The following DDAH1 variants were observed in gnomAD, a reference collection of about 807,000 sequenced individuals.
DDAH1 encodes the protein dimethylarginine dimethylaminohydrolase 1, also known as N(G),N(G)-dimethylarginine dimethylaminohydrolase 1.
Under a neutral mutation model 28.8 loss-of-function variants are expected in DDAH1, and 19 were observed. That is an observed-to-expected ratio of 0.66 (90% CI 0.46 to 0.97). DDAH1 has a LOEUF of 0.97. Ranked by LOEUF, DDAH1 falls within the 50% of genes least tolerant of loss-of-function variation. The pLI is 0.00. For synonymous variants in DDAH1, 153 were observed against 154.4 expected (o/e 0.99, Z 0.07); for missense variants, 326 against 375.9 (o/e 0.87, Z 1.10).
At chr1:85,419,976 G>T (rs951945059) in intron 1 of DDAH1, among the ~76,000 whole-genome samples, 2 of 152,134 alleles carry the variant, frequency 1.3e-5, no homozygotes, top group Admixed American at 1.3e-4. Context: ...AATCACAGGG[G>T]TAAAGTGCCA....
chr1:85,445,598 G>GTA (rs1654396832), intron 1 of DDAH1, among the ~76,000 whole-genome samples: 1 of 152,044 alleles, frequency 6.6e-6, no homozygotes, highest in Non-Finnish European at 1.5e-5. Context: ...TGTTACATTG[G>GTA]ATTAATTTAC....
rs1661330115 is a variant in DDAH1 at position 85,321,300 on chromosome 1, G to A, written c.*152C>T. The A allele has an allele frequency of 2.2e-5, 14 of 637,386 alleles. No homozygotes were observed. The East Asian group carries it at 3.6e-4, about 16-fold the overall frequency. The allele number at this position is 637,386 out of a possible 1,614,324, so 39.5% of individuals were successfully genotyped here. A position where few individuals can be genotyped will look rare whatever the true frequency, so the allele number is the denominator to read the frequency against. On this transcript the variant is annotated 3_prime_UTR_variant, in exon 6 of 6. Transcript: ENST00000284031. ...CGAGGGGAGGGAGGGTGGGGGTGTT[G>A]AATGAAGCAATTCAACTTAGAATCA...
At chr1:85,337,415 CTG>C (rs1382130050) in intron 4 of DDAH1, among the ~76,000 whole-genome samples, 1 of 151,884 alleles carries the variant, frequency 6.6e-6, no homozygotes, top group Admixed American at 6.6e-5. Flanking sequence ...CCATTTAAAA[CTG>C]TAATTTTATT....
intron 2 of DDAH1, among the ~76,000 whole-genome samples, chr1:85,358,205 T>G (rs934658651): frequency 2.6e-5 from 4 of 152,230 alleles, no homozygotes; most frequent in Admixed American, 2.6e-4. Context: ...TGTAAAAATA[T>G]GCAAATGTAT....
chr1:85,360,471 A>C (rs970344624), intron 1 of DDAH1, among the ~76,000 whole-genome samples: 8 of 152,222 alleles, frequency 5.3e-5, no homozygotes, highest in African/African-American at 1.7e-4. Flanking sequence ...GGCTACTATG[A>C]ACCCAGGAAA....
At chr1:85,549,468 C>A (rs1658721291) in intron 1 of DDAH1, among the ~76,000 whole-genome samples, 2 of 152,168 alleles carry the variant, frequency 1.3e-5, no homozygotes, top group African/African-American at 4.8e-5. Flanking sequence ...AGGGACCATA[C>A]CACTCTTGTG....
At chr1:85,330,479 C>A (rs1302404596) in intron 4 of DDAH1, among the ~76,000 whole-genome samples, 1 of 152,134 alleles carries the variant, frequency 6.6e-6, no homozygotes, top group African/African-American at 2.4e-5. Context: ...TTTCCAACCC[C>A]AGGGACTGTA....
chr1:85,504,588 G>A (rs1194995882), intron 1 of DDAH1, among the ~76,000 whole-genome samples: 1 of 152,144 alleles, frequency 6.6e-6, no homozygotes, highest in Non-Finnish European at 1.5e-5. Flanking sequence ...CACTTAGAAT[G>A]TCTGGAACTT....
intron 1 of DDAH1, among the ~76,000 whole-genome samples, chr1:85,509,883 G>A (rs1285824543): frequency 6.6e-6 from 1 of 152,146 alleles, no homozygotes; most frequent in East Asian, 1.9e-4. Context: ...TGCAAGTGAT[G>A]GGGAGAATGG....
chr1:85,452,373 TAAG>T (rs1654700893), intron 1 of DDAH1, among the ~76,000 whole-genome samples: 1 of 152,170 alleles, frequency 6.6e-6, no homozygotes, highest in Admixed American at 6.5e-5. Flanking sequence ...TGACCTACAC[TAAG>T]AAGTACACTT....
chr1:85,465,122 C>T lies in DDAH1; in HGVS notation c.-77G>A, dbSNP rs976518332. On this transcript the variant is annotated 5_prime_UTR_variant, in exon 1 of 6. Transcript: ENST00000284031. ...CCGCGGGCAGCGCGCGCTGAGCCTG[C>T]GAGCGCCCGTCGGCTCCTCTTGGCA... is the stretch of plus-strand genomic sequence containing the variant. 67 of 1,176,250 alleles carry T rather than the reference C, an allele frequency of 5.7e-5. No individual in the cohort carries two copies. Among genetic ancestry groups the T allele is most frequent in the Non-Finnish European group, 6.9e-5 (66 of 953,282 alleles). 72.9% of individuals were successfully genotyped at this position (1,176,250 alleles called of 1,614,324 possible).
chr1:85,503,538 T>C lies in DDAH1; in HGVS notation c.-122-7257A>G, dbSNP rs879302093. ...AAGTTCATCTATCTATCTATCTATC[T>C]ATCTATCTATCTATCTATCTATCTA... On this transcript the variant is annotated intron_variant, in intron 1 of 6. Coordinates refer to the DDAH1 transcript ENST00000426972. Among the ~76,000 whole-genome samples the C allele has an allele frequency of 8.7e-5, 13 of 149,088 alleles. 1 individual carries two copies. The highest frequency in any genetic ancestry group is 1.7e-4 in the Non-Finnish European group (11 of 66,030).
intron 1 of DDAH1, among the ~76,000 whole-genome samples, chr1:85,433,553 C>T (rs921862970): frequency 6.6e-6 from 1 of 152,114 alleles, no homozygotes. Flanking sequence ...CAGGTATTAT[C>T]GTCAATCCAA....
intron 1 of DDAH1, among the ~76,000 whole-genome samples, chr1:85,509,166 G>A (rs1253607979): frequency 6.6e-6 from 1 of 150,794 alleles, no homozygotes; most frequent in East Asian, 1.9e-4. Flanking sequence ...AATATTTGCT[G>A]TTCTGCAGCC....
intron 1 of DDAH1, among the ~76,000 whole-genome samples, chr1:85,378,655 C>T (rs947051697): frequency 1.3e-5 from 2 of 152,172 alleles, no homozygotes; most frequent in Non-Finnish European, 2.9e-5. Flanking sequence ...GTGATCTATC[C>T]ACCTCGGCCT....
chr1:85,487,854 A>G lies in DDAH1; in HGVS notation c.-7+8312T>C, dbSNP rs181548824. Among the ~76,000 whole-genome samples the G allele has an allele frequency of 1.3e-5, 2 of 152,240 alleles. 1 individual carries two copies. The highest frequency in any genetic ancestry group is 3.9e-4 in the East Asian group (2 of 5,176). ...ATTGCAGTACACATTGGCACTTTGC[A>G]GTACACATTGGCACTCTTTTCTCCC... is the stretch of plus-strand genomic sequence containing the variant. On this transcript the variant is annotated intron_variant, in intron 2 of 6. Coordinates refer to the DDAH1 transcript ENST00000426972.
At chr1:85,377,434 A>G (rs889830062) in intron 1 of DDAH1, among the ~76,000 whole-genome samples, 1 of 152,134 alleles carries the variant, frequency 6.6e-6, no homozygotes, top group African/African-American at 2.4e-5. Context: ...ATGGCATCAA[A>G]TGAGGAGCCA....
chr1:85,462,398 A>G (rs1354885523), intron 1 of DDAH1, among the ~76,000 whole-genome samples: 4 of 152,162 alleles, frequency 2.6e-5, no homozygotes, highest in South Asian at 2.1e-4. Flanking sequence ...CTGAGTTTTT[A>G]AAAGACCAGC....
chr1:85,510,559 T>C (rs1657187734), intron 1 of DDAH1, among the ~76,000 whole-genome samples: 1 of 152,018 alleles, frequency 6.6e-6, no homozygotes, highest in African/African-American at 2.4e-5. Context: ...ACTGGCAAAC[T>C]GGATAAAGAG....
Sources: allele counts gnomAD v4.1 joint callset (sites outside exome capture counted in the v4.1 genomes callset), GRCh38; gene constraint gnomAD v4.1.1; transcripts MANE v1.5; gene names NCBI Gene and HGNC (gene_info 2026-07-23, HGNC 2026-07-21).